NCALD: variants seen among roughly 807,000 people sequenced by gnomAD.
NCALD encodes the protein neurocalcin-delta.
NCALD carries 10 observed loss-of-function variants against 18.6 expected under a neutral mutation model. The ratio of observed to expected loss-of-function variants is 0.54; its 90% CI spans 0.33 to 0.91. The LOEUF (loss-of-function observed/expected upper bound fraction) is 0.91, where lower values mean the gene tolerates loss of function less well. Ranked by LOEUF, NCALD falls within the 40% of genes least tolerant of loss-of-function variation. NCALD has a pLI of 0.03. For missense variants in NCALD, 184 were observed against 247.6 expected (o/e 0.74, Z 1.72); for synonymous variants, 88 against 87.4 (o/e 1.01, Z -0.04).
At chr8:101,969,723 T>C (rs573355493) in intron 2 of NCALD, among the ~76,000 whole-genome samples, 1 of 152,340 alleles carries the variant, frequency 6.6e-6, no homozygotes, top group East Asian at 1.9e-4. Context: ...TGACATTTCA[T>C]TACATTTTGT....
At chr8:102,004,475 G>A (rs201981033) in intron 2 of NCALD, among the ~76,000 whole-genome samples, 1 of 152,036 alleles carries the variant, frequency 6.6e-6, no homozygotes, top group Non-Finnish European at 1.5e-5. Context: ...TATAGATTCA[G>A]TGCCATCCCC....
intron 2 of NCALD, among the ~76,000 whole-genome samples, chr8:101,952,727 G>A (rs1446766859): frequency 6.6e-6 from 1 of 152,194 alleles, no homozygotes; most frequent in African/African-American, 2.4e-5. Context: ...TGAATGTTGT[G>A]ATGATCAGAG....
chr8:101,980,283 T>TGC (rs1225632072), intron 2 of NCALD, among the ~76,000 whole-genome samples: 18 of 152,194 alleles, frequency 1.2e-4, no homozygotes, highest in Middle Eastern at 3.2e-3. Context: ...TGTGTCACAG[T>TGC]TATGCCATGT....
At chr8:102,092,415 C>T (rs1824954277) in intron 1 of NCALD, among the ~76,000 whole-genome samples, 1 of 152,206 alleles carries the variant, frequency 6.6e-6, no homozygotes, top group South Asian at 2.1e-4. Context: ...CGTGGATTAG[C>T]CCTGAACTCT....
At chr8:102,016,173 G>A (rs1187174292) in intron 2 of NCALD, among the ~76,000 whole-genome samples, 1 of 152,146 alleles carries the variant, frequency 6.6e-6, no homozygotes, top group Non-Finnish European at 1.5e-5. Context: ...AAACTTGCAG[G>A]TCCAGGATCC....
intron 2 of NCALD, among the ~76,000 whole-genome samples, chr8:101,719,022 G>T (rs1313304588): frequency 6.6e-6 from 1 of 152,048 alleles, no homozygotes; most frequent in Admixed American, 6.5e-5. Context: ...CCTATGACCC[G>T]GGAGTCCCAC....
chr8:101,967,866 C>T (rs1383044161), intron 2 of NCALD, among the ~76,000 whole-genome samples: 1 of 151,328 alleles, frequency 6.6e-6, no homozygotes, highest in Non-Finnish European at 1.5e-5. Flanking sequence ...CACACACACA[C>T]ATGCACTCAC....
At position 102,091,575 on chromosome 8, in the gene NCALD, C is replaced by A. The variant is rs187210950; in HGVS notation, c.-210+32662G>T. On this transcript the variant is annotated intron_variant, in intron 1 of 6. Coordinates refer to the NCALD transcript ENST00000311028. ...CAACAGTTGGCCAGTTCATGGAAAG[C>A]CTTCTTATTTAATTTACTTGGGATA... Among the ~76,000 whole-genome samples the A allele has an allele frequency of 4.6e-4, 70 of 152,264 alleles. No homozygotes were observed. The East Asian group carries it at 0.013, about 29-fold the overall frequency.
intron 1 of NCALD, among the ~76,000 whole-genome samples, chr8:102,104,904 G>A (rs540111130): frequency 4.7e-4 from 71 of 152,324 alleles, no homozygotes; most frequent in African/African-American, 1.7e-3. Flanking sequence ...TCAGGGCAAT[G>A]AGAATCAAAC....
intron 4 of NCALD, among the ~76,000 whole-genome samples, chr8:101,813,686 A>T (rs539636276): frequency 6.6e-6 from 1 of 152,162 alleles, no homozygotes; most frequent in Admixed American, 6.5e-5. Context: ...CACAATGTAC[A>T]TGGAAGGCTT....
chr8:102,002,462 G>T (rs1821512697), intron 2 of NCALD, among the ~76,000 whole-genome samples: 1 of 152,170 alleles, frequency 6.6e-6, no homozygotes, highest in South Asian at 2.1e-4. Flanking sequence ...ACATTAGACA[G>T]ATCAATGAGA....
intron 1 of NCALD, among the ~76,000 whole-genome samples, chr8:102,028,548 T>C (rs1485238447): frequency 1.3e-5 from 2 of 152,184 alleles, no homozygotes; most frequent in Non-Finnish European, 2.9e-5. Context: ...AACCTTCTGA[T>C]GGGAAAATAA....
chr8:101,969,879 T>A (rs1217387526), intron 2 of NCALD, among the ~76,000 whole-genome samples: 1 of 152,212 alleles, frequency 6.6e-6, no homozygotes, highest in African/African-American at 2.4e-5. Flanking sequence ...AGCTCTTAGA[T>A]TGATTTCAGG....
chr8:101,999,073 C>CAAAAAAA (rs34227411), intron 2 of NCALD, among the ~76,000 whole-genome samples: 1 of 79,372 alleles, frequency 1.3e-5, no homozygotes, highest in Admixed American at 1.4e-4. Context: ...CACTCACCAT[C>CAAAAAAA]AAAAAAAAAA....
At chr8:101,809,107 A>G (rs1813215346) in intron 4 of NCALD, among the ~76,000 whole-genome samples, 1 of 152,240 alleles carries the variant, frequency 6.6e-6, no homozygotes, top group Non-Finnish European at 1.5e-5. Flanking sequence ...AGTGCGTTCT[A>G]AAAGCATTGC....
At chr8:101,760,867 T>C (rs1210433904) in intron 1 of NCALD, among the ~76,000 whole-genome samples, 2 of 152,262 alleles carry the variant, frequency 1.3e-5, no homozygotes, top group South Asian at 2.1e-4. Context: ...AAAGGCATCA[T>C]AGAGATAAAG....
chr8:102,044,314 G>A (rs1823161161), intron 1 of NCALD, among the ~76,000 whole-genome samples: 1 of 151,954 alleles, frequency 6.6e-6, no homozygotes. Context: ...GGAATGTGAG[G>A]ACACACGGAA....
At chr8:101,913,088 A>C (rs1817857193) in intron 3 of NCALD, among the ~76,000 whole-genome samples, 1 of 152,236 alleles carries the variant, frequency 6.6e-6, no homozygotes, top group Admixed American at 6.5e-5. Flanking sequence ...AGCTCCAGAC[A>C]AGAACACAGC....
chr8:101,816,643 T>C (rs1270846602), intron 4 of NCALD, among the ~76,000 whole-genome samples: 1 of 152,180 alleles, frequency 6.6e-6, no homozygotes, highest in Non-Finnish European at 1.5e-5. Flanking sequence ...ATCTGTCTTA[T>C]GTCAATTTAA....
Sources: gnomAD v4.1 joint callset for allele counts (sites outside exome capture counted in the v4.1 genomes callset) on GRCh38, gnomAD v4.1.1 for gene constraint, MANE v1.5 for transcripts, NCBI Gene and HGNC (gene_info 2026-07-23, HGNC 2026-07-21) for gene names.